Variants in ZNF543 observed in about 807,000 individuals in gnomAD.
The protein encoded by ZNF543 is zinc finger protein 543.
ZNF543 carries 10 observed loss-of-function variants against 13.4 expected under a neutral mutation model. The ratio of observed to expected loss-of-function variants is 0.75; its 90% CI spans 0.46 to 1.26. The LOEUF is 1.26. Among genes scored for constraint, ZNF543 ranks in the 50% most tolerant of loss-of-function variants. The pLI is 0.00. For missense variants in ZNF543, 768 were observed against 741.2 expected, an observed-to-expected ratio of 1.04 and a Z score of -0.42; for synonymous variants, 272 against 264.7, an observed-to-expected ratio of 1.03 and a Z score of -0.27.
chr19:57,326,832 TG>T, intron 3 of ZNF543, 104 bp downstream of exon 3: 1 of 878,432 alleles, frequency 1.1e-6, no homozygotes, highest in Non-Finnish European at 1.8e-6. Context: ...GTGGTCTCTC[TG>T]GGTGCTTGGG....
chr19:57,323,353 G>A (rs770605312), intron 1 of ZNF543, among the ~76,000 whole-genome samples: 8 of 152,138 alleles, frequency 5.3e-5, no homozygotes, highest in African/African-American at 9.6e-5. Context: ...CACCGCGCCC[G>A]GCTAATTTTT....
chr19:57,326,876 C>G (rs1466796816), intron 3 of ZNF543, 148 bp downstream of exon 3: 19 of 161,992 alleles, frequency 1.2e-4, no homozygotes, highest in East Asian at 2.4e-4. Context: ...CGCCCCCCCC[C>G]ACCCGCCTTC....
rs563396235 is a variant in ZNF543 at position 57,326,268 on chromosome 19, C to T, written c.146-365C>T. ...CATGATCTCGGTTCACTACAACCTC[C>T]GCCTCCTGGGTTCAGCCTCCCGAGT... On this transcript the variant is annotated intron_variant, in intron 2 of 3. Coordinates refer to ENST00000321545, the MANE Select transcript of ZNF543 (RefSeq NM_213598.4). 3.9e-5 allele frequency among the ~76,000 whole-genome samples: 6 copies of T among 152,166 alleles called. No individual in the cohort carries two copies. In the East Asian group the frequency reaches 9.7e-4, roughly 25 times the overall value.
Position 57,329,019 on chromosome 19 carries a change from C to T in ZNF543, c.1557C>T (p.Ser519=), listed in dbSNP as rs369250357. The T allele has an allele frequency of 4.5e-5, 72 of 1,613,914 alleles. 1 individual carries two copies. The African/African-American group carries it at 7.6e-4, about 17-fold the overall frequency. The change falls in exon 4 of 4, where the codon AGC becomes AGT. Residue 519 remains serine, a synonymous_variant. Coordinates refer to ENST00000321545, the MANE Select transcript of ZNF543 (RefSeq NM_213598.4). ...CIQCGKAFCR[S]ANLIRHSIIH... ...AGTGTGGGAAAGCCTTTTGCCGGAG[C>T]GCAAACCTTATTCGACACTCCATCA...
rs780926868 is a variant in ZNF543 at position 57,328,240 on chromosome 19, T to A, written c.778T>A (p.Cys260Ser). 2 of 1,613,908 alleles carry A rather than the reference T, an allele frequency of 1.2e-6. No individual in the cohort carries two copies. Among genetic ancestry groups the A allele is most frequent in the Non-Finnish European group, 8.5e-7 (1 of 1,179,966 alleles). ...TGEKPYKCME[C>S]GKAFNRRSHL... ...GGAGAAGCCCTATAAGTGCATGGAG[T>A]GTGGGAAGGCTTTTAACCGCAGGTC... is the stretch of plus-strand genomic sequence containing the variant. The change falls in exon 4 of 4, where the codon TGT (cysteine) becomes AGT (serine). Residue 260 changes from cysteine to serine, a missense_variant. Cys to Ser is a moderately radical substitution (Grantham distance 112). Coordinates refer to ENST00000321545, the MANE Select transcript of ZNF543 (RefSeq NM_213598.4).
rs1281365047 is a variant in ZNF543 at position 57,329,339 on chromosome 19, G to A, written c.*74G>A. 4 of 1,502,876 alleles carry A rather than the reference G, an allele frequency of 2.7e-6. No homozygotes were observed. Among genetic ancestry groups the A allele is most frequent in the Admixed American group, 2.2e-5 (1 of 45,132 alleles). The allele number at this position is 1,502,876 out of a possible 1,614,324, so 93.1% of individuals were successfully genotyped here. A position where few individuals can be genotyped will look rare whatever the true frequency, so the allele number is the denominator to read the frequency against. On this transcript the variant is annotated 3_prime_UTR_variant, in exon 4 of 4. Coordinates refer to ENST00000321545, the MANE Select transcript of ZNF543 (RefSeq NM_213598.4). ...AAGCATCCTCTCTTTGAGAAAACGT[G>A]TAATAGATGATCATTTGTCGTCTAA...
At chr19:57,323,847 G>A in intron 2 of ZNF543, 39 bp downstream of exon 2, 1 of 1,597,604 alleles carries the variant, frequency 6.3e-7, no homozygotes, top group South Asian at 1.1e-5. Context: ...TTAGGATTGA[G>A]TTCTCCTACT....
At chr19:57,326,388 A>T (rs143351303) in intron 2 of ZNF543, among the ~76,000 whole-genome samples, 244 of 151,884 alleles carry the variant, frequency 1.6e-3, no homozygotes, top group African/African-American at 5.8e-3. Context: ...CTGGTCTCGA[A>T]CTCCTGACCT....
chr19:57,320,786 CAG>C lies in ZNF543; in HGVS notation c.-64_-63del. 2 of 1,606,552 alleles carry C rather than the reference CAG, an allele frequency of 1.2e-6. No individual in the cohort carries two copies. Among genetic ancestry groups the C allele is most frequent in the Non-Finnish European group, 1.7e-6 (2 of 1,175,704 alleles). ...TCAGCCGAGGTCGCCCCGCCCAGGA[CAG>C]AGAAGGGCTGGGGGTCGGCTGAGCC... On this transcript the variant is annotated 5_prime_UTR_variant, in exon 1 of 4. Coordinates refer to ENST00000321545, the MANE Select transcript of ZNF543 (RefSeq NM_213598.4).
chr19:57,328,968 T>A lies in ZNF543; in HGVS notation c.1506T>A (p.Thr502=). The change falls in exon 4 of 4, where the codon ACT becomes ACA. Residue 502 remains threonine (T), a synonymous_variant. Transcript: ENST00000321545. ...SHLTRHQQIH[T]GEKPYECIQC... ...TCACGAGGCACCAACAGATTCACAC[T>A]GGAGAGAAACCCTATGAATGCATCC... 6.2e-7 allele frequency: 1 copy of A among 1,614,196 alleles called. No homozygotes were observed. Among genetic ancestry groups the A allele is most frequent in the Non-Finnish European group, 8.5e-7 (1 of 1,180,034 alleles).
Position 57,328,674 on chromosome 19 carries a change from C to A in ZNF543, c.1212C>A (p.Phe404Leu). 1 of 1,613,066 alleles carries A rather than the reference C, an allele frequency of 6.2e-7. No homozygotes were observed. The highest frequency in any genetic ancestry group is 8.5e-7 in the Non-Finnish European group (1 of 1,179,522). ...PYKCMECGKA[F>L]NRRSHLKQHQ... Reference sequence around the variant, plus strand: ...AGTGCATGGAGTGTGGGAAGGCGTTCAACCGTAGGTCACACCTCAAGCAGC... The same window carrying A: ...AGTGCATGGAGTGTGGGAAGGCGTTAAACCGTAGGTCACACCTCAAGCAGC... The change falls in exon 4 of 4, where the codon TTC (phenylalanine) becomes TTA (leucine). Residue 404 changes from phenylalanine to leucine, a missense_variant. Around this residue, in one of 3 missense-constraint regions of ZNF543, gnomAD observed 677 missense variants for 631.4 expected, o/e 1.07. Coordinates refer to ENST00000321545, the MANE Select transcript of ZNF543 (RefSeq NM_213598.4).
chr19:57,324,667 T>G (rs1444203691), intron 2 of ZNF543, among the ~76,000 whole-genome samples: 1 of 152,232 alleles, frequency 6.6e-6, no homozygotes, highest in Non-Finnish European at 1.5e-5. Context: ...GCAAGTCACT[T>G]TATCTGCCTG....
At chr19:57,323,949 G>A (rs969846393) in intron 2 of ZNF543, 141 bp downstream of exon 2, 2 of 1,004,942 alleles carry the variant, frequency 2.0e-6, no homozygotes, top group African/African-American at 1.6e-5. Flanking sequence ...GTAGCACTTG[G>A]GAGACCAGGG....
chr19:57,323,270 C>G (rs954427974), intron 1 of ZNF543, among the ~76,000 whole-genome samples: 1 of 151,530 alleles, frequency 6.6e-6, no homozygotes. Flanking sequence ...CGGCTCACTG[C>G]AAGCTCCGCC....
In ZNF543 at chr19:57,328,188, T is replaced by G. The variant is rs377573939; in HGVS notation, c.726T>G (p.Leu242=). 9 of 1,613,200 alleles carry G rather than the reference T, an allele frequency of 5.6e-6. No homozygotes were observed. Among genetic ancestry groups the G allele is most frequent in the Non-Finnish European group, 7.6e-6 (9 of 1,179,354 alleles). The part of the protein sequence containing the change: ...CGKTFSKSTH[L]LQHLIIHTGE... ...AAACCTTTAGCAAGAGCACTCATCT[T>G]CTTCAGCACCTCATCATCCACACTG... Residue 242 remains leucine (L), a synonymous_variant, in exon 4 of 4, where the codon CTT becomes CTG. Transcript: ENST00000321545.
chr19:57,320,843 A>G lies in ZNF543; in HGVS notation c.-11A>G. ...CATTCCCGGGCCCCGCTAGGGCTGC[A>G]GGGTCTCAGGATGGCAGCCTCGGCG... On this transcript the variant is annotated 5_prime_UTR_variant, in exon 1 of 4. Transcript: ENST00000321545. The G allele has an allele frequency of 1.2e-6, 2 of 1,613,828 alleles. No individual in the cohort carries two copies. The highest frequency in any genetic ancestry group is 4.5e-5 in the East Asian group (2 of 44,834).
rs146291565 is a variant in ZNF543, at chr19:57,328,247, A to G, written c.785A>G (p.Lys262Arg). Residue 262 changes from lysine to arginine, a missense_variant, in exon 4 of 4, where the codon AAG becomes AGG. Transcript: ENST00000321545. ...CCCTATAAGTGCATGGAGTGTGGGA[A>G]GGCTTTTAACCGCAGGTCACACCTC... The part of the protein sequence containing the change: ...EKPYKCMECG[K>R]AFNRRSHLTR... The G allele has an allele frequency of 4.8e-5, 78 of 1,614,104 alleles. No homozygotes were observed. In the Middle Eastern group the frequency reaches 4.9e-4, roughly 10 times the overall value.
intron 1 of ZNF543, among the ~76,000 whole-genome samples, chr19:57,321,592 T>A (rs2088090374): frequency 6.6e-6 from 1 of 152,242 alleles, no homozygotes; most frequent in South Asian, 2.1e-4. Context: ...CTCAGCTCCT[T>A]TAATCCTGAA....
At position 57,320,798 on chromosome 19, in the gene ZNF543, G is replaced by A. The variant is rs949115490; in HGVS notation, c.-56G>A. 5 of 1,611,046 alleles carry A rather than the reference G, an allele frequency of 3.1e-6. No homozygotes were observed. The highest frequency in any genetic ancestry group is 2.7e-5 in the African/African-American group (2 of 74,986). On this transcript the variant is annotated 5_prime_UTR_variant, in exon 1 of 4. Transcript: ENST00000321545. ...GCCCCGCCCAGGACAGAGAAGGGCT[G>A]GGGGTCGGCTGAGCCGCGGCATTCC...
Sources: allele counts gnomAD v4.1 joint callset (sites outside exome capture counted in the v4.1 genomes callset), GRCh38; gene constraint gnomAD v4.1.1; regional missense constraint gnomAD v4.1.1; transcripts MANE v1.5; gene names NCBI Gene and HGNC (gene_info 2026-07-23, HGNC 2026-07-21).